The following PPP1R9A variants were observed in gnomAD, a reference collection of about 807,000 sequenced individuals.
PPP1R9A encodes the protein protein phosphatase 1 regulatory subunit 9A, also known as neurabin-1.
Under a neutral mutation model 141.9 loss-of-function variants are expected in PPP1R9A, and 59 were observed. That is an observed-to-expected ratio of 0.42 (90% CI 0.34 to 0.52). PPP1R9A has a LOEUF of 0.52. Among genes scored for constraint, PPP1R9A ranks in the 20% least tolerant of loss-of-function variants. The pLI, the probability that PPP1R9A is intolerant of heterozygous loss-of-function variation, is 0.10. For synonymous variants in PPP1R9A, 500 were observed against 569.7 expected (o/e 0.88, Z 1.74); for missense variants, 1,444 against 1,611.9 (o/e 0.90, Z 1.78).
intron 2 of PPP1R9A, among the ~76,000 whole-genome samples, chr7:94,924,265 A>G (rs1451143453): frequency 1.3e-5 from 2 of 152,190 alleles, no homozygotes. Context: ...TTAGTTAATC[A>G]TGTACCCAAT....
intron 5 of PPP1R9A, among the ~76,000 whole-genome samples, chr7:95,167,343 G>C (rs564548268): frequency 1.3e-5 from 2 of 152,106 alleles, no homozygotes; most frequent in Non-Finnish European, 2.9e-5. Context: ...AATTGTGGGC[G>C]TAACAATTGA....
At chr7:95,099,102 A>G (rs1176899265) in intron 2 of PPP1R9A, among the ~76,000 whole-genome samples, 2 of 152,242 alleles carry the variant, frequency 1.3e-5, no homozygotes, top group Non-Finnish European at 2.9e-5. Context: ...TTTTAGAAAC[A>G]CAGTGCTGGC....
At chr7:95,001,828 G>T (rs1802968638) in intron 2 of PPP1R9A, among the ~76,000 whole-genome samples, 1 of 152,060 alleles carries the variant, frequency 6.6e-6, no homozygotes. Context: ...CTTTCCAGAG[G>T]CATATTTGAA....
intron 2 of PPP1R9A, among the ~76,000 whole-genome samples, chr7:95,096,552 C>T (rs539327161): frequency 5.8e-4 from 89 of 152,274 alleles, no homozygotes; most frequent in African/African-American, 2.0e-3. Context: ...TCTGGCTCCT[C>T]TCTTTCTTTT....
intron 19 of PPP1R9A, among the ~76,000 whole-genome samples, chr7:95,289,720 CAGGT>C (rs1409644169): frequency 6.6e-6 from 1 of 152,158 alleles, no homozygotes; most frequent in Non-Finnish European, 1.5e-5. Context: ...TCTGTGACAG[CAGGT>C]GCTCACTCCT....
intron 2 of PPP1R9A, among the ~76,000 whole-genome samples, chr7:94,966,164 GA>G (rs1798192266): frequency 6.6e-6 from 1 of 152,162 alleles, no homozygotes; most frequent in Non-Finnish European, 1.5e-5. Context: ...TTTGCACATT[GA>G]TTTTTTTATC....
intron 4 of PPP1R9A, among the ~76,000 whole-genome samples, chr7:95,141,225 C>A (rs1826617187): frequency 6.6e-6 from 1 of 151,552 alleles, no homozygotes; most frequent in Admixed American, 6.6e-5. Flanking sequence ...AGGTGAAGAC[C>A]CAGTGCTGAA....
intron 2 of PPP1R9A, among the ~76,000 whole-genome samples, chr7:95,104,182 G>A (rs778167246): frequency 2.6e-5 from 4 of 152,184 alleles, no homozygotes; most frequent in Non-Finnish European, 4.4e-5. Flanking sequence ...TGGGTCAGGC[G>A]AGGCTTGCAG....
In PPP1R9A at chr7:95,218,327, GAGA is replaced by G. The variant is rs1793825298; in HGVS notation, c.1957-7633_1957-7631del. On this transcript the variant is annotated intron_variant, in intron 7 of 19. Coordinates refer to ENST00000433360, the MANE Select transcript of PPP1R9A (RefSeq NM_001166160.2). ...TGCTAGTTTGATTGCAGTGTGGTCTGAGAGACAGTTTGTTATAATTTCTGTTCT... is the reference window on the plus strand; with the variant it reads ...TGCTAGTTTGATTGCAGTGTGGTCTGGACAGTTTGTTATAATTTCTGTTCT... 2.6e-5 allele frequency among the ~76,000 whole-genome samples: 4 copies of G among 152,264 alleles called. No homozygotes were observed. The South Asian group carries it at 6.2e-4, about 24-fold the overall frequency.
In PPP1R9A at chr7:95,198,458, G is replaced by A. The variant is rs201789310; in HGVS notation, c.1864G>A (p.Ala622Thr). Residue 622 changes from alanine (A) to threonine (T), a missense_variant, in exon 6 of 20, where the codon GCC becomes ACC. Ala to Thr is a moderately conservative substitution (Grantham distance 58, BLOSUM62 0). Coordinates refer to ENST00000433360, the MANE Select transcript of PPP1R9A (RefSeq NM_001166160.2). ...GAGAGAGCTGCTGGAACAGCACTAT[G>A]CCCAGTATGATGCCGACGATGACGA... ...RQRELLEQHY[A>T]QYDADDDENT... is the part of the protein sequence containing the mutation. The A allele has an allele frequency of 1.9e-6, 3 of 1,602,100 alleles. No homozygotes were observed. The highest frequency in any genetic ancestry group is 2.6e-6 in the Non-Finnish European group (3 of 1,176,278).
chr7:95,100,163 T>C (rs1021498973), intron 2 of PPP1R9A, among the ~76,000 whole-genome samples: 1 of 152,150 alleles, frequency 6.6e-6, no homozygotes, highest in Admixed American at 6.5e-5. Context: ...CTCATGCCTG[T>C]AATCCCAGCA....
In PPP1R9A at chr7:95,250,108, G is replaced by C. The variant is rs1798669447; in HGVS notation, c.2249G>C (p.Arg750Thr). 6.2e-7 allele frequency: 1 copy of C among 1,613,656 alleles called. No homozygotes were observed. The highest frequency in any genetic ancestry group is 1.7e-5 in the Admixed American group (1 of 59,922). ...CAAAACATAGAAGAGAATAAGGAAA[G>C]AATGTTGAAGTTGGAAAGCTACTGG... ...LQQNIEENKE[R>T]MLKLESYWIE... Residue 750 changes from arginine (R) to threonine (T), a missense_variant, in exon 10 of 20, where the codon AGA becomes ACA. Arg to Thr is a moderately conservative substitution (Grantham distance 71). Around this residue, in one of 5 missense-constraint regions of PPP1R9A, gnomAD observed 488 missense variants for 542.0 expected, o/e 0.90. Transcript: ENST00000433360.
rs1806173559 is a variant in PPP1R9A, at chr7:95,290,307, A to G, written c.*4A>G. The G allele has an allele frequency of 1.1e-5, 17 of 1,605,968 alleles. No homozygotes were observed. Among genetic ancestry groups the G allele is most frequent in the Non-Finnish European group, 1.2e-5 (14 of 1,176,044 alleles). On this transcript the variant is annotated 3_prime_UTR_variant, in exon 20 of 20. Transcript: ENST00000433360. ...CGAGGGTGCTGGTGAGCAGTAACAC[A>G]TACCCTCTTACAGATGATGGAGATG...
chr7:95,010,259 C>A (rs1430379424), intron 2 of PPP1R9A, among the ~76,000 whole-genome samples: 1 of 151,982 alleles, frequency 6.6e-6, no homozygotes, highest in African/African-American at 2.4e-5. Flanking sequence ...ATAAAAATAG[C>A]TGGGCATGGT....
chr7:94,991,306 T>C (rs1436771570), intron 2 of PPP1R9A, among the ~76,000 whole-genome samples: 1 of 152,216 alleles, frequency 6.6e-6, no homozygotes, highest in East Asian at 1.9e-4. Flanking sequence ...CTAAATTGGT[T>C]GGCAATTTGT....
At chr7:94,928,967 G>A (rs1308230585) in intron 2 of PPP1R9A, among the ~76,000 whole-genome samples, 1 of 152,170 alleles carries the variant, frequency 6.6e-6, no homozygotes, top group East Asian at 1.9e-4. Flanking sequence ...GAAAGATACT[G>A]TGGATCATTA....
At chr7:95,106,334 G>A (rs1348473335) in intron 2 of PPP1R9A, among the ~76,000 whole-genome samples, 1 of 152,132 alleles carries the variant, frequency 6.6e-6, no homozygotes, top group African/African-American at 2.4e-5. Context: ...AACTTGGCAA[G>A]TGCTACATAG....
chr7:95,032,727 T>G (rs1442181419), intron 2 of PPP1R9A, among the ~76,000 whole-genome samples: 1 of 152,192 alleles, frequency 6.6e-6, no homozygotes, highest in African/African-American at 2.4e-5. Context: ...TGAGTTCTTT[T>G]AGTACAATTA....
chr7:95,231,341 CA>C, intron 8 of PPP1R9A, among the ~76,000 whole-genome samples: 1 of 152,184 alleles, frequency 6.6e-6, no homozygotes, highest in South Asian at 2.1e-4. Flanking sequence ...GGTGGGTCAT[CA>C]AGACAGAAAG....
Sources: allele counts gnomAD v4.1 joint callset (sites outside exome capture counted in the v4.1 genomes callset), GRCh38; gene constraint gnomAD v4.1.1; regional missense constraint gnomAD v4.1.1; transcripts MANE v1.5; gene names NCBI Gene and HGNC (gene_info 2026-07-23, HGNC 2026-07-21).